Variants in MYO16 observed in about 807,000 individuals in gnomAD.
The protein encoded by MYO16 is myosin XVI.
In MYO16, 94 loss-of-function variants were observed where a neutral mutation model predicts 205.3. The observed-to-expected ratio is 0.46, with a 90% CI of 0.39 to 0.54. The LOEUF (loss-of-function observed/expected upper bound fraction) is 0.54, where lower values mean the gene tolerates loss of function less well. Ranked by LOEUF, MYO16 falls within the 20% of genes least tolerant of loss-of-function variation. The pLI is 0.00. For synonymous variants in MYO16, 988 were observed against 954.0 expected, an observed-to-expected ratio of 1.04 and a Z score of -0.66; for missense variants, 2,315 against 2,387.5, an observed-to-expected ratio of 0.97 and a Z score of 0.63.
intron 16 of MYO16, among the ~76,000 whole-genome samples, chr13:108,932,463 A>G (rs1484536716): frequency 1.3e-5 from 2 of 152,182 alleles, no homozygotes; most frequent in African/African-American, 4.8e-5. Context: ...TTGCTTTGGC[A>G]TTGGTCAAGG....
intron 16 of MYO16, among the ~76,000 whole-genome samples, chr13:108,930,747 A>C (rs964632380): frequency 6.6e-6 from 1 of 152,204 alleles, no homozygotes; most frequent in Non-Finnish European, 1.5e-5. Context: ...AATTACCAAG[A>C]AAGTTAAGAC....
At chr13:109,046,004 G>A (rs1887031008) in intron 23 of MYO16, among the ~76,000 whole-genome samples, 1 of 152,122 alleles carries the variant, frequency 6.6e-6, no homozygotes, top group Non-Finnish European at 1.5e-5. Flanking sequence ...CCTCACGGCG[G>A]ATGCTCGCCC....
chr13:109,063,095 G>A (rs539367123), intron 27 of MYO16, among the ~76,000 whole-genome samples: 1 of 152,264 alleles, frequency 6.6e-6, no homozygotes, highest in African/African-American at 2.4e-5. Flanking sequence ...TCTGAAGTCT[G>A]ACATGACAAT....
chr13:108,852,572 C>T (rs918585318), intron 10 of MYO16, among the ~76,000 whole-genome samples: 8 of 152,154 alleles, frequency 5.3e-5, no homozygotes, highest in Non-Finnish European at 8.8e-5. Context: ...AATACGTGAA[C>T]GAGAACTCTG....
intron 11 of MYO16, among the ~76,000 whole-genome samples, chr13:108,864,290 T>G (rs1455651988): frequency 6.6e-6 from 1 of 152,184 alleles, no homozygotes; most frequent in Non-Finnish European, 1.5e-5. Flanking sequence ...GCTATAATTT[T>G]TATCTTAAGT....
intron 22 of MYO16, among the ~76,000 whole-genome samples, chr13:109,014,832 G>A (rs965708769): frequency 6.6e-6 from 1 of 152,226 alleles, no homozygotes; most frequent in African/African-American, 2.4e-5. Context: ...AGGCTTTGCT[G>A]AAATTGCTTA....
chr13:108,536,238 T>C, the MYO16 span, among the ~76,000 whole-genome samples: 1 of 152,192 alleles, frequency 6.6e-6, no homozygotes, highest in Non-Finnish European at 1.5e-5. Flanking sequence ...AGTTTTGATG[T>C]AATCTCTTTA....
chr13:109,033,853 G>GC (rs1886623787), intron 23 of MYO16, among the ~76,000 whole-genome samples: 1 of 152,136 alleles, frequency 6.6e-6, no homozygotes, highest in Non-Finnish European at 1.5e-5. Flanking sequence ...AAAGTGGGCT[G>GC]CAAGACAAAA....
At chr13:108,937,350 G>T (rs1454500511) in intron 16 of MYO16, among the ~76,000 whole-genome samples, 1 of 151,364 alleles carries the variant, frequency 6.6e-6, no homozygotes, top group Non-Finnish European at 1.5e-5. Context: ...CCTCGGTGTT[G>T]TTCATTTTAT....
chr13:108,793,493 T>A, intron 5 of MYO16, 23 bp from the exon 6 acceptor site: 1 of 1,611,000 alleles, frequency 6.2e-7, no homozygotes, highest in South Asian at 1.1e-5. Context: ...CCATTCTGGT[T>A]GAAAGGCTCT....
intron 34 of MYO16, among the ~76,000 whole-genome samples, chr13:109,186,161 C>CA (rs918436739): frequency 5.3e-5 from 8 of 150,026 alleles, no homozygotes; most frequent in South Asian, 4.2e-4. Flanking sequence ...GACCGTGTCT[C>CA]AAAAAAAAAT....
intron 12 of MYO16, among the ~76,000 whole-genome samples, chr13:108,877,958 T>C (rs1169812089): frequency 1.3e-5 from 2 of 152,222 alleles, no homozygotes; most frequent in Non-Finnish European, 2.9e-5. Context: ...GCTGCTCATA[T>C]CTGGGATTTA....
intron 28 of MYO16, among the ~76,000 whole-genome samples, chr13:109,109,490 G>A (rs751627963): frequency 1.3e-5 from 2 of 152,160 alleles, no homozygotes; most frequent in Non-Finnish European, 2.9e-5. Context: ...TAGAGAGCAA[G>A]AACAGAGCTG....
intron 3 of MYO16, among the ~76,000 whole-genome samples, chr13:108,717,498 T>C (rs195251): frequency 0.68 from 102,651 of 151,396 alleles, 35,247 homozygotes; most frequent in East Asian, 0.93. Flanking sequence ...GGCGTGGTGG[T>C]GGGCGCCTGT....
intron 6 of MYO16, among the ~76,000 whole-genome samples, chr13:108,799,437 C>A (rs192476150): frequency 4.9e-4 from 74 of 152,268 alleles, no homozygotes; most frequent in Admixed American, 1.3e-3. Context: ...TTCCACTAAG[C>A]AACAGATCTA....
At chr13:108,833,303 C>G (rs1307093515) in intron 9 of MYO16, among the ~76,000 whole-genome samples, 1 of 150,388 alleles carries the variant, frequency 6.6e-6, no homozygotes, top group African/African-American at 2.4e-5. Flanking sequence ...ACCAAACATA[C>G]AGCAATTAAT....
chr13:108,733,559 A>C (rs1884592303), intron 4 of MYO16, among the ~76,000 whole-genome samples: 1 of 148,252 alleles, frequency 6.7e-6, no homozygotes, highest in Non-Finnish European at 1.5e-5. Context: ...AGAGTCCCTA[A>C]GTGGGCTAAT....
chr13:108,986,193 A>G (rs1196560761), intron 20 of MYO16, among the ~76,000 whole-genome samples: 1 of 152,192 alleles, frequency 6.6e-6, no homozygotes, highest in Admixed American at 6.5e-5. Flanking sequence ...CCCATGACAC[A>G]TGGGGATTAT....
At chr13:108,869,745 A>AAAG (rs1878949942) in intron 12 of MYO16, among the ~76,000 whole-genome samples, 1 of 146,744 alleles carries the variant, frequency 6.8e-6, no homozygotes, top group Admixed American at 6.8e-5. Context: ...AAAAAAAAAA[A>AAAG]AAAAAAAAAA....
Sources: gnomAD v4.1 joint callset for allele counts (sites outside exome capture counted in the v4.1 genomes callset) on GRCh38, gnomAD v4.1.1 for gene constraint, MANE v1.5 for transcripts, NCBI Gene and HGNC (gene_info 2026-07-23, HGNC 2026-07-21) for gene names.